Variants in CDH7 observed in about 807,000 individuals in gnomAD.
The protein encoded by CDH7 is cadherin 7, also known as cadherin-7.
CDH7 carries 25 observed loss-of-function variants against 71.8 expected under a neutral mutation model. The ratio of observed to expected loss-of-function variants is 0.35; its 90% confidence interval spans 0.25 to 0.49. The LOEUF is 0.49. Among genes scored for constraint, CDH7 ranks in the 20% least tolerant of loss-of-function variants. CDH7 has a pLI of 0.99. For missense variants in CDH7, 862 were observed against 974.6 expected (o/e 0.88, Z 1.54); for synonymous variants, 381 against 363.8 (o/e 1.05, Z -0.54).
intron 3 of CDH7, among the ~76,000 whole-genome samples, chr18:65,813,410 G>A (rs761334977): frequency 2.8e-4 from 42 of 152,030 alleles, no homozygotes; most frequent in Non-Finnish European, 3.4e-4. Flanking sequence ...TAATTTCCAC[G>A]TAATTTTAAA....
At chr18:65,810,162 A>G (rs765170910) in intron 3 of CDH7, among the ~76,000 whole-genome samples, 164 bp downstream of exon 3, 9 of 152,116 alleles carry the variant, frequency 5.9e-5, no homozygotes, top group Non-Finnish European at 1.3e-4. Context: ...GTTGGCAGCC[A>G]GTATCCATTA....
intron 2 of CDH7, among the ~76,000 whole-genome samples, chr18:65,786,626 G>GCT (rs1910522560): frequency 6.6e-6 from 1 of 151,922 alleles, no homozygotes; most frequent in African/African-American, 2.4e-5. Flanking sequence ...GTATGATAAC[G>GCT]CTGATAACTC....
chr18:65,848,020 C>A (rs1404414552), intron 7 of CDH7, among the ~76,000 whole-genome samples: 1 of 151,906 alleles, frequency 6.6e-6, no homozygotes, highest in Non-Finnish European at 1.5e-5. Flanking sequence ...AAGCACGTTT[C>A]CGGCTTGTTA....
chr18:65,827,920 G>A (rs1368645917), intron 6 of CDH7, among the ~76,000 whole-genome samples: 1 of 151,816 alleles, frequency 6.6e-6, no homozygotes, highest in Non-Finnish European at 1.5e-5. Flanking sequence ...TTTATACAGT[G>A]CAGATAATAT....
chr18:65,840,867 T>C (rs1912707511), intron 6 of CDH7, among the ~76,000 whole-genome samples: 1 of 152,182 alleles, frequency 6.6e-6, no homozygotes, highest in African/African-American at 2.4e-5. Context: ...TATTTTTTTC[T>C]ATTTCCTTAT....
intron 6 of CDH7, among the ~76,000 whole-genome samples, chr18:65,825,142 C>T (rs1912081251): frequency 6.6e-6 from 1 of 151,904 alleles, no homozygotes; most frequent in Admixed American, 6.6e-5. Flanking sequence ...TCTGCCTTGA[C>T]TATTCCACTA....
Position 65,888,194 on chromosome 18 carries a change from A to T in CDH7, c.*7300A>T, listed in dbSNP as rs1011738589. The T allele has an allele frequency of 6.6e-6, 1 of 152,202 alleles. No homozygotes were observed. Among genetic ancestry groups the T allele is most frequent in the Non-Finnish European group, 1.5e-5 (1 of 68,034 alleles). The allele number at this position is 152,202 out of a possible 1,614,324, so 9.4% of individuals were successfully genotyped here. ...TGGAGATGTTTAAAACAAATATAAG[A>T]AAGAGTACTGTTTCAGAACTAACCA... On this transcript the variant is annotated 3_prime_UTR_variant, in exon 12 of 12. Coordinates refer to ENST00000397968, the MANE Select transcript of CDH7 (RefSeq NM_004361.5).
rs538013379 is a variant in CDH7 at position 65,841,682 on chromosome 18, T to C, written c.982-2130T>C. Among the ~76,000 whole-genome samples the C allele has an allele frequency of 3.3e-5, 5 of 152,286 alleles. No homozygotes were observed. The South Asian group carries it at 6.2e-4, about 19-fold the overall frequency. On this transcript the variant is annotated intron_variant, in intron 6 of 11. Transcript: ENST00000397968. ...TTTATAGATAGGCCCAAGAAAATTT[T>C]ATGAGTAGGTCAGGTTTCTTAAGAG...
intron 6 of CDH7, among the ~76,000 whole-genome samples, chr18:65,842,181 G>A (rs1360647615): frequency 6.6e-6 from 1 of 151,792 alleles, no homozygotes; most frequent in Non-Finnish European, 1.5e-5. Context: ...TAATTTTTTT[G>A]TTGTTGTGTT....
chr18:65,858,445 T>A (rs1158933673), intron 8 of CDH7, among the ~76,000 whole-genome samples: 1 of 151,994 alleles, frequency 6.6e-6, no homozygotes, highest in Non-Finnish European at 1.5e-5. Flanking sequence ...TGTGTATGCA[T>A]TTATAATACA....
At position 65,814,479 on chromosome 18, in the gene CDH7, A is replaced by T; in HGVS notation, c.506-6A>T. 5.6e-6 allele frequency: 9 copies of T among 1,613,962 alleles called. No homozygotes were observed. The highest frequency in any genetic ancestry group is 7.6e-6 in the Non-Finnish European group (9 of 1,179,908). On this transcript the variant is annotated splice_polypyrimidine_tract_variant and splice_region_variant and intron_variant, in intron 3 of 11. Transcript: ENST00000397968. ...TTAATTCAGTGGTTTTGGGATTGGC[A>T]TCTAGGGACCTCAGTGGTACAAGTG...
At chr18:65,804,398 A>T (rs919891538) in intron 2 of CDH7, among the ~76,000 whole-genome samples, 43 of 152,178 alleles carry the variant, frequency 2.8e-4, no homozygotes, top group African/African-American at 1.0e-3. Flanking sequence ...TAGAGGAAAG[A>T]AAAGTTGGTT....
chr18:65,875,683 C>A (rs959802894), intron 11 of CDH7, among the ~76,000 whole-genome samples: 3 of 152,112 alleles, frequency 2.0e-5, no homozygotes, highest in Non-Finnish European at 4.4e-5. Flanking sequence ...GCTTAAGGAG[C>A]TCAAGACCAG....
At chr18:65,814,065 C>T (rs1307412258) in intron 3 of CDH7, among the ~76,000 whole-genome samples, 1 of 152,054 alleles carries the variant, frequency 6.6e-6, no homozygotes, top group African/African-American at 2.4e-5. Context: ...AGTTGTATAC[C>T]TGCAATTACT....
intron 2 of CDH7, among the ~76,000 whole-genome samples, chr18:65,763,830 A>C (rs1319412693): frequency 6.6e-6 from 1 of 152,036 alleles, no homozygotes; most frequent in Admixed American, 6.6e-5. Flanking sequence ...GAGCTTCCTG[A>C]ACCAAAAGGT....
chr18:65,871,393 G>A (rs1170641265), intron 11 of CDH7, among the ~76,000 whole-genome samples: 2 of 152,138 alleles, frequency 1.3e-5, no homozygotes, highest in East Asian at 1.9e-4. Context: ...GCAAGGAGAA[G>A]TAAAGGATCT....
intron 7 of CDH7, among the ~76,000 whole-genome samples, chr18:65,845,223 A>G (rs1370139631): frequency 6.6e-6 from 1 of 151,852 alleles, no homozygotes; most frequent in South Asian, 2.1e-4. Flanking sequence ...ATATATACAT[A>G]CACACATATA....
At chr18:65,775,323 T>C (rs1909896205) in intron 2 of CDH7, among the ~76,000 whole-genome samples, 1 of 152,216 alleles carries the variant, frequency 6.6e-6, no homozygotes. Context: ...CTCCGCTTAA[T>C]TTCTGTAAAA....
intron 11 of CDH7, among the ~76,000 whole-genome samples, chr18:65,870,488 AG>A (rs1913896359): frequency 6.6e-6 from 1 of 152,062 alleles, no homozygotes; most frequent in Non-Finnish European, 1.5e-5. Context: ...GAAACATTTC[AG>A]ATGCACTTAC....
Sources: gnomAD v4.1 joint callset for allele counts (sites outside exome capture counted in the v4.1 genomes callset) on GRCh38, gnomAD v4.1.1 for gene constraint, MANE v1.5 for transcripts, NCBI Gene and HGNC (gene_info 2026-07-23, HGNC 2026-07-21) for gene names.